Variants in TPM4 observed in about 807,000 individuals in gnomAD.
TPM4 encodes tropomyosin alpha-4 chain.
Under a neutral mutation model 35.8 loss-of-function variants are expected in TPM4, and 17 were observed. That is an observed-to-expected ratio of 0.47 (90% CI 0.32 to 0.71). The LOEUF (loss-of-function observed/expected upper bound fraction) is 0.71. Among genes scored for constraint, TPM4 ranks in the 30% least tolerant of loss-of-function variants. The pLI, the probability that TPM4 is intolerant of heterozygous loss-of-function variation, is 0.03. For missense variants in TPM4, 240 were observed against 320.9 expected (o/e 0.75, Z 1.93); for synonymous variants, 120 against 122.9 (o/e 0.98, Z 0.15).
At chr19:16,095,382 A>G (rs764455315) in intron 7 of TPM4, 84 of 1,033,732 alleles carry the variant, frequency 8.1e-5, no homozygotes, top group Non-Finnish European at 9.3e-5. Context: ...TCCTTCTCAC[A>G]TGGTGCCTCC....
intron 5 of TPM4, among the ~76,000 whole-genome samples, chr19:16,092,782 C>T (rs1306542133): frequency 2.6e-5 from 4 of 152,150 alleles, no homozygotes; most frequent in Admixed American, 6.6e-5. Context: ...GCGATCCACC[C>T]GCCTTGGCCT....
At chr19:16,083,693 C>T (rs1156385941) in intron 2 of TPM4, among the ~76,000 whole-genome samples, 1 of 145,706 alleles carries the variant, frequency 6.9e-6, no homozygotes, top group African/African-American at 2.8e-5. Context: ...TCATTCACAC[C>T]GGAGTTCTCA....
rs1037653425 is a variant in TPM4 at position 16,070,611 on chromosome 19, G to A, written c.114+2873G>A. Among the ~76,000 whole-genome samples, 6 of 152,320 alleles carry A rather than the reference G, an allele frequency of 3.9e-5. No homozygotes were observed. In the South Asian group the frequency reaches 1.0e-3, roughly 26 times the overall value. On this transcript the variant is annotated intron_variant, in intron 2 of 2. Transcript: ENST00000589897. The surrounding 1 kb of genome is among the most constrained non-coding windows in gnomAD (Gnocchi z 7.4). ...TGAGTGAGATACGGAAGTGACAGTAGGGCCTCCCTTGCCACCCCATGACAG... is the reference window on the plus strand; with the variant it reads ...TGAGTGAGATACGGAAGTGACAGTAAGGCCTCCCTTGCCACCCCATGACAG...
chr19:16,086,342 T>A, intron 2 of TPM4, 81 bp from the exon 3 acceptor site: 1 of 1,274,930 alleles, frequency 7.8e-7, no homozygotes, highest in Non-Finnish European at 1.1e-6. Context: ...AGAGCGAGAC[T>A]CCATCTGAAA....
chr19:16,076,904 G>C, intron 1 of TPM4: 1 of 1,131,274 alleles, frequency 8.8e-7, no homozygotes, highest in South Asian at 3.9e-5. Flanking sequence ...CCTGGGACAG[G>C]GGAGGGGGCG....
In TPM4 at chr19:16,102,288, G is replaced by A. The variant is rs911808930; in HGVS notation, c.*942G>A. 8 of 193,268 alleles carry A rather than the reference G, an allele frequency of 4.1e-5. No homozygotes were observed. The highest frequency in any genetic ancestry group is 2.4e-4 in the East Asian group (3 of 12,322). The allele number at this position is 193,268 out of a possible 1,614,324, so 12.0% of individuals were successfully genotyped here. ...CAGGAAGTGGAGACTGCAGTGAGCC[G>A]ATATCGCACCACAGCGCTCCAGCCT... On this transcript the variant is annotated 3_prime_UTR_variant, in exon 8 of 8. Transcript: ENST00000643579.
chr19:16,079,339 T>A (rs2090453121), intron 1 of TPM4, among the ~76,000 whole-genome samples: 1 of 152,208 alleles, frequency 6.6e-6, no homozygotes, highest in African/African-American at 2.4e-5. Context: ...TGTCCTGGAA[T>A]TCGATAATGG....
chr19:16,067,655 C>G lies in TPM4; in HGVS notation c.31C>G (p.Leu11Val), dbSNP rs747981870. The stretch of plus-strand genomic sequence containing the variant: ...GGCCATCAAGAAGAAAATGCAGATG[C>G]TGAAGTTGGACAAGGAGAATGCCAT... The change falls in exon 2 of 3, where the codon CTG becomes GTG. Residue 11 changes from leucine to valine, a missense_variant. Leu to Val is a conservative substitution (Grantham distance 32). Transcript: ENST00000589897. This position sits in a 1 kb window ranked among gnomAD's most constrained non-coding sequence, Gnocchi z 4.1. 4 of 1,613,736 alleles carry G rather than the reference C, an allele frequency of 2.5e-6. No individual in the cohort carries two copies. The highest frequency in any genetic ancestry group is 1.1e-5 in the South Asian group (1 of 91,036).
rs1250207663 is a variant in TPM4 at position 16,088,831 on chromosome 19, C to T, written c.456-214C>T. On this transcript the variant is annotated intron_variant, in intron 4 of 7. Transcript: ENST00000643579. ...CCAAGCCCTCCAAATACTCTTCGGG[C>T]GCACCTCGCCTCTGCCTGGTATGAT... 2.6e-5 allele frequency: 35 copies of T among 1,341,162 alleles called. No homozygotes were observed. In the South Asian group the frequency reaches 3.9e-4, roughly 15 times the overall value. The allele number at this position is 1,341,162 out of a possible 1,614,324, so 83.1% of individuals were successfully genotyped here.
At chr19:16,083,634 C>T (rs1301059258) in intron 2 of TPM4, among the ~76,000 whole-genome samples, 1 of 144,132 alleles carries the variant, frequency 6.9e-6, no homozygotes, top group Admixed American at 6.7e-5. Flanking sequence ...AAAGGAGTTC[C>T]TTGTGTGGCA....
At position 16,102,264 on chromosome 19, in the gene TPM4, A is replaced by T. The variant is rs2090770360; in HGVS notation, c.*918A>T. ...TGAGGCAGGAGGATCGCTTGAACCC[A>T]GGAAGTGGAGACTGCAGTGAGCCGA... is the stretch of plus-strand genomic sequence containing the variant. On this transcript the variant is annotated 3_prime_UTR_variant, in exon 8 of 8. Coordinates refer to ENST00000643579, the MANE Select transcript of TPM4 (RefSeq NM_003290.3). 5.3e-6 allele frequency: 1 copy of T among 190,066 alleles called. No homozygotes were observed. 11.8% of individuals were successfully genotyped at this position (190,066 alleles called of 1,614,324 possible).
intron 3 of TPM4, 30 bp downstream of exon 3, chr19:16,086,570 C>G: frequency 6.3e-7 from 1 of 1,578,642 alleles, no homozygotes; most frequent in South Asian, 1.1e-5. Flanking sequence ...GGCGCAGCAG[C>G]AGGAAGTGGG....
At chr19:16,072,388 G>C (rs1402474465), upstream of TPM4, among the ~76,000 whole-genome samples, 1 of 152,238 alleles carries the variant, frequency 6.6e-6, no homozygotes, top group Non-Finnish European at 1.5e-5. Context: ...CAGGCCACCA[G>C]GGTTGGGGAG....
At chr19:16,094,433 G>A (rs796350993) in intron 7 of TPM4, among the ~76,000 whole-genome samples, 77 of 151,872 alleles carry the variant, frequency 5.1e-4, no homozygotes, top group African/African-American at 1.8e-3. Context: ...TACTGGGGAG[G>A]CTGAGGCAGG....
chr19:16,069,308 AGTGT>A (rs1231919045), intron 2 of TPM4, among the ~76,000 whole-genome samples: 2 of 115,302 alleles, frequency 1.7e-5, no homozygotes, highest in Non-Finnish European at 4.3e-5. Context: ...TGTATGGATG[AGTGT>A]GTGTTTCTGA....
chr19:16,088,311 T>C (rs969126760), intron 4 of TPM4: 1 of 1,390,066 alleles, frequency 7.2e-7, no homozygotes, highest in Non-Finnish European at 9.4e-7. Context: ...TGTTGACCCT[T>C]TCTGCAAAGA....
At chr19:16,083,943 T>C (rs1361432871) in intron 2 of TPM4, among the ~76,000 whole-genome samples, 2 of 151,992 alleles carry the variant, frequency 1.3e-5, no homozygotes, top group African/African-American at 4.8e-5. Flanking sequence ...TAATTTTTTT[T>C]TGAGACAGAG....
At chr19:16,076,222 C>G (rs1485117772), upstream of TPM4, 4 of 1,548,296 alleles carry the variant, frequency 2.6e-6, no homozygotes, top group Non-Finnish European at 3.5e-6. Flanking sequence ...GCCGGAGCCC[C>G]GGGGCCGGGA....
In TPM4 at chr19:16,102,484, G is replaced by T. The variant is rs1445296091; in HGVS notation, c.*1138G>T. 4 of 226,874 alleles carry T rather than the reference G, an allele frequency of 1.8e-5. No individual in the cohort carries two copies. Among genetic ancestry groups the T allele is most frequent in the Non-Finnish European group, 3.5e-5 (4 of 113,946 alleles). 14.1% of individuals were successfully genotyped at this position (226,874 alleles called of 1,614,324 possible). Reference sequence around the variant, plus strand: ...CAAGTCATTACTAAGTTGAGCAAAAGAGTTTTTATCTATTAGCAGAAAGGG... The same window carrying T: ...CAAGTCATTACTAAGTTGAGCAAAATAGTTTTTATCTATTAGCAGAAAGGG... On this transcript the variant is annotated 3_prime_UTR_variant, in exon 8 of 8. Coordinates refer to ENST00000643579, the MANE Select transcript of TPM4 (RefSeq NM_003290.3).
Sources: allele counts gnomAD v4.1 joint callset (sites outside exome capture counted in the v4.1 genomes callset), GRCh38; gene constraint gnomAD v4.1.1; non-coding constraint Gnocchi (gnomAD v3.1); transcripts MANE v1.5; gene names NCBI Gene and HGNC (gene_info 2026-07-23, HGNC 2026-07-21).